SPTBN1: variants seen among roughly 807,000 people sequenced by gnomAD.
SPTBN1 encodes spectrin beta chain, non-erythrocytic 1.
SPTBN1 carries 32 observed loss-of-function variants against 266.4 expected under a neutral mutation model. The observed-to-expected ratio is 0.12, with a 90% CI of 0.09 to 0.16. The LOEUF is 0.16. SPTBN1 is among the 10% of genes least tolerant of loss of function. SPTBN1 has a pLI of 1.00. For missense variants in SPTBN1, 2,296 were observed against 3,067.1 expected, an observed-to-expected ratio of 0.75 and a Z score of 5.94; for synonymous variants, 1,336 against 1,162.2, an observed-to-expected ratio of 1.15 and a Z score of -3.04.
intron 2 of SPTBN1, among the ~76,000 whole-genome samples, chr2:54,597,616 C>T (rs985080952): frequency 2.6e-5 from 4 of 152,132 alleles, no homozygotes; most frequent in Non-Finnish European, 4.4e-5. Context: ...CCTGCCAGGT[C>T]GGCAGCTGTA....
chr2:54,668,289 G>A, intron 35 of SPTBN1, 62 bp from the exon 36 acceptor site: 1 of 1,551,588 alleles, frequency 6.4e-7, no homozygotes, highest in Admixed American at 1.7e-5. Context: ...CCAAGCCTTG[G>A]AGCCAGAACC....
chr2:54,653,886 A>G lies in SPTBN1; in HGVS notation c.5822+33A>G, dbSNP rs2104147622. On this transcript the variant is annotated intron_variant, in intron 27 of 35. Transcript: ENST00000356805. The surrounding 1 kb of genome is among the most constrained non-coding windows in gnomAD (Gnocchi z 5.1). The stretch of plus-strand genomic sequence containing the variant: ...TTTCAGCCCAAAGGAAATTGGACTT[A>G]TTGGCGCTTGGTTAAAACACAGGAG... 2 of 1,595,450 alleles carry G rather than the reference A, an allele frequency of 1.3e-6. No individual in the cohort carries two copies. The highest frequency in any genetic ancestry group is 4.5e-5 in the East Asian group (2 of 44,816).
At chr2:54,601,527 T>C (rs984601327) in intron 3 of SPTBN1, among the ~76,000 whole-genome samples, 6 of 152,164 alleles carry the variant, frequency 3.9e-5, no homozygotes, top group Non-Finnish European at 8.8e-5. Context: ...CCAGAACTAA[T>C]GAGGTGGTTA....
At position 54,629,548 on chromosome 2, in the gene SPTBN1, A is replaced by C. The variant is rs1291560061; in HGVS notation, c.2414A>C (p.Glu805Ala). 1 of 1,614,118 alleles carries C rather than the reference A, an allele frequency of 6.2e-7. No homozygotes were observed. Among genetic ancestry groups the C allele is most frequent in the Non-Finnish European group, 8.5e-7 (1 of 1,180,040 alleles). ...NYRPTLDTLH[E>A]QASALPQEHA... ...AGGCCCACCCTTGACACGCTGCACG[A>C]ACAAGCCAGCGCCCTCCCCCAGGAG... is the stretch of plus-strand genomic sequence containing the variant. Residue 805 changes from glutamate to alanine, a missense_variant, in exon 14 of 36, where the codon GAA becomes GCA. Glu to Ala is a moderately radical substitution (Grantham distance 107, BLOSUM62 -1). Transcript: ENST00000356805.
intron 1 of SPTBN1, among the ~76,000 whole-genome samples, chr2:54,484,256 G>A (rs946994325): frequency 3.3e-5 from 5 of 152,242 alleles, no homozygotes; most frequent in African/African-American, 9.6e-5. Flanking sequence ...CTTTCTCTGA[G>A]AAATAAATTA....
At chr2:54,485,781 G>C (rs1179987254) in intron 1 of SPTBN1, among the ~76,000 whole-genome samples, 1 of 151,326 alleles carries the variant, frequency 6.6e-6, no homozygotes, top group African/African-American at 2.4e-5. Flanking sequence ...CATCTAGGAA[G>C]TGAGGAGCGT....
chr2:54,597,009 A>G (rs6749802), intron 2 of SPTBN1, among the ~76,000 whole-genome samples: 51,700 of 152,132 alleles, frequency 0.34, 11,422 homozygotes, highest in African/African-American at 0.64. Context: ...AAGAGTGACA[A>G]TTGGCTGAGG....
intron 4 of SPTBN1, among the ~76,000 whole-genome samples, chr2:54,613,949 C>T (rs1395227508): frequency 1.3e-5 from 2 of 152,176 alleles, no homozygotes; most frequent in Non-Finnish European, 1.5e-5. Context: ...ATCTTGACAG[C>T]GGGTCAGCAC....
intron 18 of SPTBN1, among the ~76,000 whole-genome samples, chr2:54,638,327 T>C (rs1244419006): frequency 1.3e-5 from 2 of 152,242 alleles, no homozygotes; most frequent in Non-Finnish European, 2.9e-5. Flanking sequence ...TTCAATGATA[T>C]GGAAGGAAAG....
chr2:54,482,191 G>A (rs967792221), intron 1 of SPTBN1, among the ~76,000 whole-genome samples: 4 of 152,064 alleles, frequency 2.6e-5, no homozygotes, highest in South Asian at 4.2e-4. Flanking sequence ...TCTTGGCAGC[G>A]CATTGGCATC....
chr2:54,596,483 T>G lies in SPTBN1; in HGVS notation c.149-2609T>G, dbSNP rs139128178. 9.6e-4 allele frequency among the ~76,000 whole-genome samples: 146 copies of G among 152,306 alleles called. 1 individual carries two copies. Among genetic ancestry groups the G allele is most frequent in the African/African-American group, 3.5e-3 (144 of 41,554 alleles). ...TCCGTTTCCTGCCCCTCGTGTGTTATGAGGGTGTTGATTCTGGTCTGGTCC... is the reference window on the plus strand; with the variant it reads ...TCCGTTTCCTGCCCCTCGTGTGTTAGGAGGGTGTTGATTCTGGTCTGGTCC... On this transcript the variant is annotated intron_variant, in intron 2 of 35. Coordinates refer to ENST00000356805, the MANE Select transcript of SPTBN1 (RefSeq NM_003128.3).
At chr2:54,574,814 A>G (rs1674346794) in intron 2 of SPTBN1, among the ~76,000 whole-genome samples, 1 of 152,224 alleles carries the variant, frequency 6.6e-6, no homozygotes, top group African/African-American at 2.4e-5. Context: ...CTCCTGCATC[A>G]AACATGACTT....
intron 2 of SPTBN1, among the ~76,000 whole-genome samples, chr2:54,576,305 C>T (rs184346786): frequency 9.2e-5 from 14 of 152,120 alleles, no homozygotes; most frequent in Non-Finnish European, 1.8e-4. Flanking sequence ...CCACCCACCT[C>T]GGCCTCCCAA....
At chr2:54,607,056 C>CA (rs2103754927) in intron 3 of SPTBN1, among the ~76,000 whole-genome samples, 1 of 152,318 alleles carries the variant, frequency 6.6e-6, no homozygotes, top group Admixed American at 6.5e-5. Context: ...TTTCTAAAGG[C>CA]AAAATCCACC....
intron 26 of SPTBN1, among the ~76,000 whole-genome samples, chr2:54,652,048 C>G (rs553988998): frequency 2.0e-5 from 3 of 152,232 alleles, no homozygotes; most frequent in Admixed American, 2.0e-4. Flanking sequence ...ATATTCTACT[C>G]TCATAGACAT....
rs933736258 is a variant in SPTBN1, at chr2:54,571,522, C to G, written c.149-27570C>G. The stretch of plus-strand genomic sequence containing the variant: ...GTCCCCCAGTTATATATGAAGATAC[C>G]TATTACTGTTCCCTAATTGTATGTA... On this transcript the variant is annotated intron_variant, in intron 2 of 35. Transcript: ENST00000356805. 3.3e-5 allele frequency among the ~76,000 whole-genome samples: 5 copies of G among 149,886 alleles called. No homozygotes were observed. The South Asian group carries it at 8.5e-4, about 25-fold the overall frequency.
At chr2:54,501,302 T>A (rs1021927227) in intron 1 of SPTBN1, among the ~76,000 whole-genome samples, 9 of 152,208 alleles carry the variant, frequency 5.9e-5, no homozygotes, top group Non-Finnish European at 1.0e-4. Flanking sequence ...GGCTCTTTTT[T>A]TTTCTTTTTT....
chr2:54,509,666 G>T (rs1669749333), intron 1 of SPTBN1, among the ~76,000 whole-genome samples: 1 of 152,174 alleles, frequency 6.6e-6, no homozygotes. Context: ...ATTGAGATTG[G>T]AGTTTAATGG....
chr2:54,601,255 AT>A (rs1288263039), intron 3 of SPTBN1, among the ~76,000 whole-genome samples: 1 of 152,212 alleles, frequency 6.6e-6, no homozygotes, highest in Non-Finnish European at 1.5e-5. Flanking sequence ...ATCTTGGATT[AT>A]ATAGGTTGGC....
Sources: gnomAD v4.1 joint callset for allele counts (sites outside exome capture counted in the v4.1 genomes callset) on GRCh38, gnomAD v4.1.1 for gene constraint, Gnocchi (gnomAD v3.1) non-coding constraint, MANE v1.5 for transcripts, NCBI Gene and HGNC (gene_info 2026-07-23, HGNC 2026-07-21) for gene names.